Variants in LRRC37B observed in about 807,000 individuals in gnomAD.
LRRC37B encodes leucine-rich repeat-containing protein 37B.
In LRRC37B, 28 loss-of-function variants were observed where a neutral mutation model predicts 98.3. The ratio of observed to expected loss-of-function variants is 0.28; its 90% CI spans 0.21 to 0.39. The LOEUF is 0.39. LRRC37B is among the 10% of genes least tolerant of loss of function. LRRC37B has a pLI of 1.00. For missense variants in LRRC37B, 938 were observed against 1,182.7 expected (o/e 0.79, Z 3.03); for synonymous variants, 364 against 442.7 (o/e 0.82, Z 2.23).
chr17:32,041,756 C>T (rs1445142694), intron 7 of LRRC37B: 5 of 457,800 alleles, frequency 1.1e-5, no homozygotes, highest in Admixed American at 7.0e-5. Flanking sequence ...ACGGTGACGG[C>T]TCCCTTCCTC....
At chr17:32,021,287 C>T (rs368502368) in exon 1 of LRRC37B, 11 of 1,613,420 alleles carry the variant, frequency 6.8e-6, no homozygotes, top group Middle Eastern at 1.8e-4. Flanking sequence ...CACCTGAGCC[C>T]TGGTCTTCCC....
chr17:32,020,555 C>T (rs1181750501), upstream of LRRC37B: 14 of 584,418 alleles, frequency 2.4e-5, no homozygotes, highest in Non-Finnish European at 2.6e-5. Context: ...GGAGTCCTCG[C>T]TTATTCCCTG....
chr17:32,022,650 T>C (rs1014074404), exon 1 of LRRC37B: 47 of 1,613,878 alleles, frequency 2.9e-5, no homozygotes, highest in African/African-American at 6.7e-5. Context: ...GCAGGATTCA[T>C]TGGTGCAGTC....
chr17:32,008,794 A>G (rs1910466986), intron 1 of LRRC37B, among the ~76,000 whole-genome samples: 1 of 152,228 alleles, frequency 6.6e-6, no homozygotes, highest in African/African-American at 2.4e-5. Context: ...TGGCTGATTA[A>G]AAAGCAAAGC....
intron 7 of LRRC37B, among the ~76,000 whole-genome samples, chr17:32,037,545 C>T (rs1311137893): frequency 2.0e-5 from 3 of 152,048 alleles, no homozygotes; most frequent in African/African-American, 4.8e-5. Context: ...GGATTACAGG[C>T]GTGAGCCACG....
exon 6 of LRRC37B, chr17:32,034,929 C>G: frequency 6.2e-7 from 1 of 1,612,408 alleles, no homozygotes; most frequent in Non-Finnish European, 8.5e-7. Context: ...TCGCAATCCT[C>G]TGACTACTGT....
chr17:32,048,394 G>T (rs1445003405), intron 9 of LRRC37B, among the ~76,000 whole-genome samples: 1 of 147,730 alleles, frequency 6.8e-6, no homozygotes, highest in African/African-American at 2.5e-5. Flanking sequence ...GGCCTGAGAA[G>T]GTAGTGGGAA....
chr17:32,024,505 C>T lies in LRRC37B; in HGVS notation c.1761-206C>T, dbSNP rs552418245. On this transcript the variant is annotated intron_variant, in intron 1 of 11. Coordinates refer to ENST00000327564, the Ensembl canonical transcript of LRRC37B. ...TGGGATGGATAGGAAGTTAAGCTTC[C>T]GGGAGATGCCTCATCATTTGTGCCA... The T allele has an allele frequency of 7.6e-5, 79 of 1,034,448 alleles. No individual in the cohort carries two copies. The East Asian group carries it at 1.2e-3, about 16-fold the overall frequency. The allele number at this position is 1,034,448 out of a possible 1,614,324, so 64.1% of individuals were successfully genotyped here. A position where few individuals can be genotyped will look rare whatever the true frequency, so the allele number is the denominator to read the frequency against.
chr17:32,012,614 G>A (rs578161446), intron 1 of LRRC37B, among the ~76,000 whole-genome samples: 1 of 152,206 alleles, frequency 6.6e-6, no homozygotes, highest in African/African-American at 2.4e-5. Context: ...TACTTAGAAG[G>A]TTGAGGCAAG....
At chr17:32,038,072 A>G (rs1911303011) in intron 7 of LRRC37B, among the ~76,000 whole-genome samples, 1 of 151,590 alleles carries the variant, frequency 6.6e-6, no homozygotes, top group Non-Finnish European at 1.5e-5. Flanking sequence ...GCTTGCAGTG[A>G]GCAGAGATCA....
intron 6 of LRRC37B, 54 bp from the exon 10 acceptor site, chr17:32,035,511 G>A: frequency 6.5e-7 from 1 of 1,538,088 alleles, no homozygotes; most frequent in Non-Finnish European, 8.9e-7. Context: ...ATCTTTTGAA[G>A]TACAGAATTT....
chr17:32,042,718 A>C (rs1567618884), intron 7 of LRRC37B: 2 of 152,396 alleles, frequency 1.3e-5, no homozygotes, highest in Non-Finnish European at 2.9e-5. Flanking sequence ...CGTGGTCGGC[A>C]GTACATGAAG....
At chr17:32,013,028 G>GACAA (rs71937012) in intron 1 of LRRC37B, among the ~76,000 whole-genome samples, 22,037 of 151,936 alleles carry the variant, frequency 0.15, 1,735 homozygotes, top group African/African-American at 0.18. Context: ...AAAACAGACA[G>GACAA]ACAAACAAAA....
At chr17:32,031,742 G>A (rs900226848) in intron 5 of LRRC37B, among the ~76,000 whole-genome samples, 1 of 151,404 alleles carries the variant, frequency 6.6e-6, no homozygotes, top group African/African-American at 2.4e-5. Flanking sequence ...AGGTGGCTCA[G>A]GCCTGTAATC....
At chr17:32,009,084 C>T (rs558570034) in intron 1 of LRRC37B, among the ~76,000 whole-genome samples, 256 of 152,136 alleles carry the variant, frequency 1.7e-3, no homozygotes, top group Middle Eastern at 3.4e-3. Context: ...CTGTATCCTC[C>T]CTAGCACTTG....
At chr17:32,018,769 C>G (rs146052364), upstream of LRRC37B, among the ~76,000 whole-genome samples, 74 of 152,292 alleles carry the variant, frequency 4.9e-4, no homozygotes, top group African/African-American at 1.7e-3. Flanking sequence ...TCATTATCTC[C>G]CGTATACCTT....
At chr17:32,033,148 A>G (rs1220598851) in intron 5 of LRRC37B, among the ~76,000 whole-genome samples, 3 of 152,150 alleles carry the variant, frequency 2.0e-5, no homozygotes, top group Non-Finnish European at 4.4e-5. Flanking sequence ...TGGGCGACAG[A>G]GCAAGGCTCC....
intron 11 of LRRC37B, chr17:32,051,982 T>A (rs1026423852): frequency 1.1e-4 from 17 of 151,408 alleles, no homozygotes; most frequent in Non-Finnish European, 2.4e-4. Flanking sequence ...TCTAGTTAGT[T>A]ATTGGTGGTA....
intron 5 of LRRC37B, chr17:32,033,937 G>A (rs1911173260): frequency 6.6e-6 from 1 of 152,160 alleles, no homozygotes; most frequent in Non-Finnish European, 1.5e-5. Context: ...ACCAGGCACA[G>A]TGATGACAAT....
Sources: gnomAD v4.1 joint callset for allele counts (sites outside exome capture counted in the v4.1 genomes callset) on GRCh38, gnomAD v4.1.1 for gene constraint, MANE v1.5 for transcripts, NCBI Gene and HGNC (gene_info 2026-07-23, HGNC 2026-07-21) for gene names.